KATNAL1: variants seen among roughly 807,000 people sequenced by gnomAD.
KATNAL1 encodes katanin p60 ATPase-containing subunit A-like 1.
A neutral mutation model predicts 55.2 loss-of-function variants in KATNAL1; 32 were observed. The ratio of observed to expected loss-of-function variants is 0.58; its 90% CI spans 0.44 to 0.78. The LOEUF (loss-of-function observed/expected upper bound fraction) is 0.78, where lower values mean the gene tolerates loss of function less well. Among genes scored for constraint, KATNAL1 ranks in the 30% least tolerant of loss-of-function variants. The pLI is 0.00. For synonymous variants in KATNAL1, 193 were observed against 193.6 expected, an observed-to-expected ratio of 1.00 and a Z score of 0.02; for missense variants, 466 against 600.9, an observed-to-expected ratio of 0.78 and a Z score of 2.35.
At chr13:30,242,475 C>T (rs1194640996) in intron 4 of KATNAL1, among the ~76,000 whole-genome samples, 1 of 152,072 alleles carries the variant, frequency 6.6e-6, no homozygotes, top group African/African-American at 2.4e-5. Context: ...ATTATCTGCC[C>T]TCATCAAGCA....
Position 30,204,595 on chromosome 13 carries a change from C to G in KATNAL1, c.*3945G>C, listed in dbSNP as rs1872943648. 1 of 152,198 alleles carries G rather than the reference C, an allele frequency of 6.6e-6. No homozygotes were observed. The highest frequency in any genetic ancestry group is 1.5e-5 in the Non-Finnish European group (1 of 68,042). The allele number at this position is 152,198 out of a possible 1,614,324, so 9.4% of individuals were successfully genotyped here. Reference sequence around the variant, plus strand: ...CTAATAATTTCATGTTCAACAGAGTCAGGCTATACAAAACAAAGTCAAAGA... The same window carrying G: ...CTAATAATTTCATGTTCAACAGAGTGAGGCTATACAAAACAAAGTCAAAGA... On this transcript the variant is annotated 3_prime_UTR_variant, in exon 11 of 11. Coordinates refer to ENST00000380615, the MANE Select transcript of KATNAL1 (RefSeq NM_032116.5).
rs546397872 is a variant in KATNAL1, at chr13:30,238,923, T to G, written c.726+1537A>C. The stretch of plus-strand genomic sequence containing the variant: ...TAAGAAGCTGACACACATTGAATTT[T>G]AAATTTTCTAAAGGTCTATTATGGT... On this transcript the variant is annotated intron_variant, in intron 6 of 10. Transcript: ENST00000380615. Among the ~76,000 whole-genome samples the G allele has an allele frequency of 1.3e-4, 20 of 152,326 alleles. No homozygotes were observed. In the East Asian group the frequency reaches 1.9e-3, roughly 15 times the overall value.
intron 1 of KATNAL1, among the ~76,000 whole-genome samples, chr13:30,284,762 T>A (rs1323983380): frequency 6.6e-6 from 1 of 152,214 alleles, no homozygotes; most frequent in Non-Finnish European, 1.5e-5. Flanking sequence ...TAGAATACCC[T>A]CTAGATTTCT....
chr13:30,255,809 T>C (rs3213617), intron 3 of KATNAL1, among the ~76,000 whole-genome samples, 194 bp from the exon 4 acceptor site: 10,318 of 152,116 alleles, frequency 0.068, 625 homozygotes, highest in East Asian at 0.18. Flanking sequence ...ATATACTGGC[T>C]GATACAATTA....
intron 4 of KATNAL1, among the ~76,000 whole-genome samples, chr13:30,252,568 T>C (rs916944811): frequency 2.0e-5 from 3 of 152,186 alleles, no homozygotes; most frequent in Non-Finnish European, 4.4e-5. Context: ...AATTTGTATA[T>C]ATTTTTATCA....
intron 1 of KATNAL1, chr13:30,296,436 G>GC: frequency 1.2e-6 from 1 of 845,594 alleles, no homozygotes; most frequent in Non-Finnish European, 2.0e-6. Context: ...GGAGGCTTGG[G>GC]CCCCCTGAAC....
intron 9 of KATNAL1, among the ~76,000 whole-genome samples, chr13:30,215,789 T>G (rs1258823662): frequency 2.6e-4 from 35 of 134,000 alleles, no homozygotes; most frequent in Admixed American, 4.7e-4. Context: ...GTGGGGGGAG[T>G]GGGGAGGGAT....
chr13:30,283,877 CTTTT>C (rs34524152), intron 1 of KATNAL1, 86 bp from the exon 2 acceptor site: 212 of 694,778 alleles, frequency 3.1e-4, no homozygotes, highest in South Asian at 5.8e-4. Context: ...TTTAAAACTA[CTTTT>C]TTTTTTTTTT....
intron 3 of KATNAL1, among the ~76,000 whole-genome samples, chr13:30,275,111 T>G (rs556207511): frequency 1.3e-5 from 2 of 152,296 alleles, no homozygotes; most frequent in African/African-American, 4.8e-5. Flanking sequence ...CAGAAATACC[T>G]GAGGATGGGT....
chr13:30,213,469 A>C (rs922577239), intron 9 of KATNAL1, among the ~76,000 whole-genome samples: 16 of 137,844 alleles, frequency 1.2e-4, no homozygotes, highest in Admixed American at 1.1e-3. Flanking sequence ...AGACACACCC[A>C]AAAAAGAGAA....
intron 4 of KATNAL1, among the ~76,000 whole-genome samples, chr13:30,254,200 A>G (rs1226831749): frequency 1.3e-5 from 2 of 152,256 alleles, no homozygotes; most frequent in East Asian, 3.8e-4. Flanking sequence ...TGTTAGCTGC[A>G]TAAAAATGAA....
intron 3 of KATNAL1, among the ~76,000 whole-genome samples, chr13:30,275,058 G>A (rs760020788): frequency 6.6e-6 from 1 of 152,138 alleles, no homozygotes; most frequent in East Asian, 1.9e-4. Context: ...GACTGTGTTA[G>A]TCTGTTTTTG....
chr13:30,283,528 A>G, intron 2 of KATNAL1, 88 bp downstream of exon 2: 1 of 1,198,256 alleles, frequency 8.3e-7, no homozygotes. Flanking sequence ...TCCATCTCAA[A>G]CTCAAAATTA....
rs575215871 is a variant in KATNAL1 at position 30,283,902 on chromosome 13, G to C, written c.-14-111C>G. On this transcript the variant is annotated intron_variant, in intron 1 of 10. Coordinates refer to ENST00000380615, the MANE Select transcript of KATNAL1 (RefSeq NM_032116.5). Reference sequence around the variant, plus strand: ...CTTTTTTTTTTTTTTTTGAAACAGAGACTCACTTTATTGCCCAGATTGGAG... The same window carrying C: ...CTTTTTTTTTTTTTTTTGAAACAGACACTCACTTTATTGCCCAGATTGGAG... 1.5e-3 allele frequency: 1,100 copies of C among 733,146 alleles called. 1 individual carries two copies. Among genetic ancestry groups the C allele is most frequent in the Non-Finnish European group, 2.0e-3 (972 of 479,684 alleles). 45.4% of individuals were successfully genotyped at this position (733,146 alleles called of 1,614,324 possible).
intron 4 of KATNAL1, among the ~76,000 whole-genome samples, chr13:30,246,631 G>T (rs185941598): frequency 1.1e-3 from 164 of 152,232 alleles, no homozygotes; most frequent in African/African-American, 3.8e-3. Flanking sequence ...GACAATTTTT[G>T]CAATCTATCC....
Position 30,204,977 on chromosome 13 carries a change from A to C in KATNAL1, c.*3563T>G, listed in dbSNP as rs944134909. 6.6e-6 allele frequency: 1 copy of C among 152,150 alleles called. No individual in the cohort carries two copies. Among genetic ancestry groups the C allele is most frequent in the African/African-American group, 2.4e-5 (1 of 41,448 alleles). 9.4% of individuals were successfully genotyped at this position (152,150 alleles called of 1,614,324 possible). A position where few individuals can be genotyped will look rare whatever the true frequency, so the allele number is the denominator to read the frequency against. ...AGAGGTGTTTATTTTACTAATATTA[A>C]TTTCCTTTAAAAAAAGAAATTATGG... On this transcript the variant is annotated 3_prime_UTR_variant, in exon 11 of 11. Transcript: ENST00000380615.
At position 30,253,370 on chromosome 13, in the gene KATNAL1, A is replaced by G. The variant is rs887642138; in HGVS notation, c.492+2077T>C. On this transcript the variant is annotated intron_variant, in intron 4 of 10. Coordinates refer to ENST00000380615, the MANE Select transcript of KATNAL1 (RefSeq NM_032116.5). Reference sequence around the variant, plus strand: ...TTCTAGTGACATTCTGAGTACTTACATGTCAATGAAAGAATAACTAAGATT... The same window carrying G: ...TTCTAGTGACATTCTGAGTACTTACGTGTCAATGAAAGAATAACTAAGATT... Among the ~76,000 whole-genome samples the G allele has an allele frequency of 4.6e-5, 7 of 152,304 alleles. No individual in the cohort carries two copies. In the South Asian group the frequency reaches 6.2e-4, roughly 14 times the overall value.
intron 9 of KATNAL1, among the ~76,000 whole-genome samples, chr13:30,219,908 C>A (rs1414848837): frequency 6.6e-6 from 1 of 152,202 alleles, no homozygotes. Context: ...TAAAGTATGT[C>A]TTTCCCCTAA....
At chr13:30,240,599 C>G in intron 5 of KATNAL1, 34 bp from the exon 6 acceptor site, 1 of 1,408,902 alleles carries the variant, frequency 7.1e-7, no homozygotes, top group Non-Finnish European at 1.0e-6. Context: ...ATAATGTTTA[C>G]TCAGGGATCT....
Sources: allele counts gnomAD v4.1 joint callset (sites outside exome capture counted in the v4.1 genomes callset), GRCh38; gene constraint gnomAD v4.1.1; transcripts MANE v1.5; gene names NCBI Gene and HGNC (gene_info 2026-07-23, HGNC 2026-07-21).